The following CAMTA1 variants were observed in gnomAD, a reference collection of about 807,000 sequenced individuals.
CAMTA1 encodes calmodulin-binding transcription activator 1.
Under a neutral mutation model 170.9 loss-of-function variants are expected in CAMTA1, and 27 were observed. The ratio of observed to expected loss-of-function variants is 0.16; its 90% CI spans 0.12 to 0.22. The LOEUF (loss-of-function observed/expected upper bound fraction) is 0.22. CAMTA1 is among the 10% of genes least tolerant of loss of function. The probability of loss-of-function intolerance (pLI) is 1.00; values close to 1 mark genes in which losing one functional copy is unlikely to be tolerated. For missense variants in CAMTA1, 1,619 were observed against 2,217.2 expected (o/e 0.73, Z 5.42); for synonymous variants, 833 against 891.5 (o/e 0.93, Z 1.17).
rs189428498 is a variant in CAMTA1 at position 7,284,215 on chromosome 1, T to C, written c.438+34589T>C. Among the ~76,000 whole-genome samples, 454 of 146,860 alleles carry C rather than the reference T, an allele frequency of 3.1e-3. 2 individuals carry two copies. The highest frequency in any genetic ancestry group is 3.8e-3 in the Non-Finnish European group (258 of 67,030). On this transcript the variant is annotated intron_variant, in intron 5 of 22. Transcript: ENST00000303635. ...TTATTATTATTATTATTATTATTAT[T>C]ATTTCTGAGAAGGAGTCTTGCTCTG...
intron 5 of CAMTA1, among the ~76,000 whole-genome samples, chr1:7,257,965 T>C (rs957772804): frequency 6.6e-5 from 10 of 152,114 alleles, no homozygotes; most frequent in Admixed American, 1.3e-4. Context: ...CACTGGCCAT[T>C]GCTGAGGAGA....
intron 7 of CAMTA1, among the ~76,000 whole-genome samples, chr1:7,658,991 A>T (rs56369330): frequency 0.16 from 24,751 of 152,246 alleles, 2,563 homozygotes; most frequent in Middle Eastern, 0.33. Flanking sequence ...CGGCTTGGCA[A>T]ACAGGTGCCA....
intron 11 of CAMTA1, among the ~76,000 whole-genome samples, chr1:7,711,357 C>T (rs962757420): frequency 6.6e-6 from 1 of 152,116 alleles, no homozygotes; most frequent in Admixed American, 6.5e-5. Flanking sequence ...GAAGACATAA[C>T]ATTCAGTCCA....
chr1:7,712,581 A>C (rs539040100), intron 11 of CAMTA1, among the ~76,000 whole-genome samples: 1 of 152,204 alleles, frequency 6.6e-6, no homozygotes, highest in Non-Finnish European at 1.5e-5. Context: ...CGCCTCCCCA[A>C]GTGCTAGGAT....
chr1:7,070,067 A>G (rs1638416619), intron 3 of CAMTA1, among the ~76,000 whole-genome samples: 1 of 152,148 alleles, frequency 6.6e-6, no homozygotes, highest in Non-Finnish European at 1.5e-5. Flanking sequence ...CCTCGGAAGG[A>G]TGCACCCTTT....
Position 7,588,687 on chromosome 1 carries a change from G to A in CAMTA1, c.511-51713G>A, listed in dbSNP as rs1252414445. ...CAGGGCCACGACTGGGCTCCTGGCA[G>A]CACGGCCAGATGGACCTCTGCTCTC... On this transcript the variant is annotated intron_variant, in intron 6 of 22. Transcript: ENST00000303635. The surrounding 1 kb of genome is among the most constrained non-coding windows in gnomAD (Gnocchi z 5.8). Among the ~76,000 whole-genome samples the A allele has an allele frequency of 6.6e-6, 1 of 152,216 alleles. No homozygotes were observed. The highest frequency in any genetic ancestry group is 1.5e-5 in the Non-Finnish European group (1 of 68,042).
chr1:7,298,474 A>G (rs1403995771), intron 5 of CAMTA1, among the ~76,000 whole-genome samples: 4 of 152,078 alleles, frequency 2.6e-5, no homozygotes, highest in Non-Finnish European at 5.9e-5. Flanking sequence ...GACCCTTAAT[A>G]CTGCCTGACC....
Position 7,483,445 on chromosome 1 carries a change from C to A in CAMTA1, c.510+15544C>A, listed in dbSNP as rs550496417. On this transcript the variant is annotated intron_variant, in intron 6 of 22. Transcript: ENST00000303635. ...ACCCTCAGCTCGGGGAGCTCTTCTC[C>A]CCACCCTGAGGAAGGGCAGAGACAA... 6.6e-5 allele frequency among the ~76,000 whole-genome samples: 10 copies of A among 152,306 alleles called. No individual in the cohort carries two copies. The East Asian group carries it at 1.9e-3, about 29-fold the overall frequency.
intron 3 of CAMTA1, among the ~76,000 whole-genome samples, chr1:7,082,486 T>TAGATAGATAGATAGAC (rs1640163804): frequency 6.6e-6 from 1 of 151,436 alleles, no homozygotes; most frequent in African/African-American, 2.4e-5. Context: ...GATAGATAGA[T>TAGATAGATAGATAGAC]AGATAGCACA....
At chr1:6,947,370 G>A (rs1687738096) in intron 3 of CAMTA1, among the ~76,000 whole-genome samples, 1 of 151,176 alleles carries the variant, frequency 6.6e-6, no homozygotes, top group Non-Finnish European at 1.5e-5. Flanking sequence ...TATTTCCATT[G>A]TCTTTAATTT....
At chr1:7,330,915 G>A (rs777635936) in intron 5 of CAMTA1, among the ~76,000 whole-genome samples, 6 of 152,116 alleles carry the variant, frequency 3.9e-5, no homozygotes, top group Non-Finnish European at 7.4e-5. Flanking sequence ...CGGCCACATC[G>A]TAGGGCTTTG....
chr1:6,870,303 T>C (rs953605881), intron 3 of CAMTA1, among the ~76,000 whole-genome samples: 1 of 152,086 alleles, frequency 6.6e-6, no homozygotes, highest in African/African-American at 2.4e-5. Flanking sequence ...AGATGAGCAT[T>C]CCAGAGAAAT....
intron 2 of CAMTA1, among the ~76,000 whole-genome samples, chr1:6,822,951 C>T (rs913713563): frequency 7.2e-5 from 11 of 152,068 alleles, no homozygotes; most frequent in Admixed American, 5.2e-4. Context: ...TAAAACTCTG[C>T]TCGTAAGTGT....
intron 6 of CAMTA1, among the ~76,000 whole-genome samples, chr1:7,617,520 T>C (rs1338878405): frequency 6.6e-6 from 1 of 152,152 alleles, no homozygotes; most frequent in Non-Finnish European, 1.5e-5. Flanking sequence ...CCTCAGGCTC[T>C]AGGGCCAGCA....
rs962408308 is a variant in CAMTA1, at chr1:7,063,972, A to C, written c.235-27332A>C. Among the ~76,000 whole-genome samples, 3 of 152,228 alleles carry C rather than the reference A, an allele frequency of 2.0e-5. No homozygotes were observed. Among genetic ancestry groups the C allele is most frequent in the African/African-American group, 4.8e-5 (2 of 41,460 alleles). ...ACAGTTCTGGAGGCTGGGAAGTCCA[A>C]GATTAAGGCACTGGCAGATTCGATT... On this transcript the variant is annotated intron_variant, in intron 3 of 22. Coordinates refer to ENST00000303635, the MANE Select transcript of CAMTA1 (RefSeq NM_015215.4). This position sits in a 1 kb window ranked among gnomAD's most constrained non-coding sequence, Gnocchi z 4.3.
chr1:7,377,884 GC>G (rs2086966356), intron 5 of CAMTA1, among the ~76,000 whole-genome samples: 1 of 152,134 alleles, frequency 6.6e-6, no homozygotes, highest in Non-Finnish European at 1.5e-5. Flanking sequence ...CTGTACCACT[GC>G]ACTCCAGTCT....
In CAMTA1 at chr1:7,201,468, A is replaced by G. The variant is rs191994436; in HGVS notation, c.303-48023A>G. On this transcript the variant is annotated intron_variant, in intron 4 of 22. Coordinates refer to ENST00000303635, the MANE Select transcript of CAMTA1 (RefSeq NM_015215.4). ...CTTGAGGAACTGTTAGACCTAGACC[A>G]TTTTCCACAGTGGCCACACCAATTT... is the stretch of plus-strand genomic sequence containing the variant. Among the ~76,000 whole-genome samples, 805 of 152,210 alleles carry G rather than the reference A, an allele frequency of 5.3e-3. 15 individuals are homozygous for G. The highest frequency in any genetic ancestry group is 0.04 in the Admixed American group (609 of 15,298).
At chr1:7,675,754 TG>T (rs1258297091) in intron 10 of CAMTA1, among the ~76,000 whole-genome samples, 2 of 152,022 alleles carry the variant, frequency 1.3e-5, no homozygotes, top group African/African-American at 4.8e-5. Context: ...GAGCAATGGA[TG>T]GACCCAGGAC....
chr1:7,710,945 T>G (rs1170116606), intron 11 of CAMTA1, among the ~76,000 whole-genome samples: 2 of 152,136 alleles, frequency 1.3e-5, no homozygotes, highest in African/African-American at 2.4e-5. Flanking sequence ...GGGGACATGG[T>G]CCTCTCATTC....
Sources: gnomAD v4.1 joint callset for allele counts (sites outside exome capture counted in the v4.1 genomes callset) on GRCh38, gnomAD v4.1.1 for gene constraint, Gnocchi (gnomAD v3.1) non-coding constraint, MANE v1.5 for transcripts, NCBI Gene and HGNC (gene_info 2026-07-23, HGNC 2026-07-21) for gene names.